Variants in ZCCHC17 observed in about 807,000 individuals in gnomAD.
ZCCHC17 encodes the protein zinc finger CCHC domain-containing protein 17.
In ZCCHC17, 18 loss-of-function variants were observed where a neutral mutation model predicts 30.6. The observed-to-expected ratio is 0.59, with a 90% CI of 0.41 to 0.87. The LOEUF is 0.87. ZCCHC17 is among the 40% of genes least tolerant of loss of function. The pLI, the probability that ZCCHC17 is intolerant of heterozygous loss-of-function variation, is 0.00. For synonymous variants in ZCCHC17, 88 were observed against 92.4 expected, an observed-to-expected ratio of 0.95 and a Z score of 0.27; for missense variants, 263 against 284.2, an observed-to-expected ratio of 0.93 and a Z score of 0.54.
At chr1:31,358,138 G>C (rs1639720021) in intron 7 of ZCCHC17, among the ~76,000 whole-genome samples, 1 of 152,252 alleles carries the variant, frequency 6.6e-6, no homozygotes. Flanking sequence ...AGTGGAGAGA[G>C]AGCATTTCAG....
At chr1:31,344,862 G>GTTGTCTGTTTGTTTGT (rs1553124659) in intron 5 of ZCCHC17, among the ~76,000 whole-genome samples, 9 of 150,486 alleles carry the variant, frequency 6.0e-5, no homozygotes, top group Non-Finnish European at 7.4e-5. Context: ...GTTTTTTTTT[G>GTTGTCTGTTTGTTTGT]TTGTTTGTTT....
chr1:31,357,743 G>A (rs1557461278), intron 7 of ZCCHC17, among the ~76,000 whole-genome samples: 1 of 151,036 alleles, frequency 6.6e-6, no homozygotes, highest in Non-Finnish European at 1.5e-5. Context: ...AGATAGGATG[G>A]TAAGGCCAGG....
chr1:31,307,057 C>T (rs1369665754), intron 1 of ZCCHC17, among the ~76,000 whole-genome samples: 1 of 151,836 alleles, frequency 6.6e-6, no homozygotes, highest in Non-Finnish European at 1.5e-5. Context: ...GGGATGGTCT[C>T]GAACTCTTGA....
At chr1:31,348,764 A>G in intron 6 of ZCCHC17, 65 bp from the exon 7 acceptor site, 5 of 1,595,626 alleles carry the variant, frequency 3.1e-6, no homozygotes, top group Non-Finnish European at 4.3e-6. Flanking sequence ...ACTTGGGGAA[A>G]GATTCACTTG....
chr1:31,301,587 T>G (rs1002208404), intron 1 of ZCCHC17, among the ~76,000 whole-genome samples: 1 of 152,210 alleles, frequency 6.6e-6, no homozygotes, highest in Non-Finnish European at 1.5e-5. Flanking sequence ...TGAAGGGATC[T>G]TAGGAATAAT....
At chr1:31,324,486 G>T (rs1279241441) in intron 3 of ZCCHC17, among the ~76,000 whole-genome samples, 1 of 152,206 alleles carries the variant, frequency 6.6e-6, no homozygotes, top group African/African-American at 2.4e-5. Flanking sequence ...TGCAGACCCA[G>T]GCATCCCTGC....
At chr1:31,298,098 G>A (rs1646212376) in intron 1 of ZCCHC17, among the ~76,000 whole-genome samples, 2 of 152,210 alleles carry the variant, frequency 1.3e-5, no homozygotes, top group Non-Finnish European at 2.9e-5. Context: ...CCTAGTCGAT[G>A]TATGTGGACC....
At chr1:31,320,591 G>T (rs1384697691) in intron 3 of ZCCHC17, among the ~76,000 whole-genome samples, 1 of 152,168 alleles carries the variant, frequency 6.6e-6, no homozygotes, top group Non-Finnish European at 1.5e-5. Flanking sequence ...TTTTGTGACT[G>T]ACTTCTTTCA....
At chr1:31,301,872 T>C (rs1427458929) in intron 1 of ZCCHC17, among the ~76,000 whole-genome samples, 1 of 152,188 alleles carries the variant, frequency 6.6e-6, no homozygotes, top group African/African-American at 2.4e-5. Flanking sequence ...GAAGCATCTA[T>C]CTTACATGGT....
At position 31,364,532 on chromosome 1, in the gene ZCCHC17, T is replaced by C. The variant is rs1640058434; in HGVS notation, c.*339T>C. 1 of 288,782 alleles carries C rather than the reference T, an allele frequency of 3.5e-6. No individual in the cohort carries two copies. The highest frequency in any genetic ancestry group is 7.1e-5 in the South Asian group (1 of 14,184). 17.9% of individuals were successfully genotyped at this position (288,782 alleles called of 1,614,324 possible). ...TGGATTCCTGTAAAGGAGTCCAGGCTAGAGCCACAGAGACTGTTGTGGAGG... is the reference window on the plus strand; with the variant it reads ...TGGATTCCTGTAAAGGAGTCCAGGCCAGAGCCACAGAGACTGTTGTGGAGG... On this transcript the variant is annotated 3_prime_UTR_variant, in exon 8 of 8. Coordinates refer to ENST00000344147, the MANE Select transcript of ZCCHC17 (RefSeq NM_016505.4).
At position 31,319,127 on chromosome 1, in the gene ZCCHC17, T is replaced by C. The variant is rs1431247235; in HGVS notation, c.85T>C (p.Tyr29His). The change falls in exon 3 of 8, where the codon TAT (tyrosine) becomes CAT (histidine). Residue 29 changes from tyrosine (Y) to histidine (H), a missense_variant. Tyr to His is a moderately conservative substitution (Grantham distance 83). Transcript: ENST00000344147. Reference protein sequence around the residue: ...FQGEVAMVTDYGAFIKIPGCR... With the variant: ...FQGEVAMVTDHGAFIKIPGCR... ...TTTATAGGTTGCTATGGTGACAGACTATGGGGCCTTTATCAAAATCCCAGG... is the reference window on the plus strand; with the variant it reads ...TTTATAGGTTGCTATGGTGACAGACCATGGGGCCTTTATCAAAATCCCAGG... 2 of 1,611,316 alleles carry C rather than the reference T, an allele frequency of 1.2e-6. No homozygotes were observed. The highest frequency in any genetic ancestry group is 1.1e-5 in the South Asian group (1 of 90,832).
chr1:31,355,451 T>C (rs1161720621), intron 7 of ZCCHC17, among the ~76,000 whole-genome samples: 1 of 152,190 alleles, frequency 6.6e-6, no homozygotes, highest in Non-Finnish European at 1.5e-5. Context: ...TTCTATGAGA[T>C]AGCCAGAACA....
chr1:31,312,334 G>T (rs1569770834), intron 2 of ZCCHC17, among the ~76,000 whole-genome samples: 2 of 152,304 alleles, frequency 1.3e-5, no homozygotes, highest in South Asian at 2.1e-4. Flanking sequence ...TGAGGGCTGA[G>T]TTGTGTCTGT....
At chr1:31,340,317 T>TTTTG (rs1435965791) in intron 5 of ZCCHC17, among the ~76,000 whole-genome samples, 25 of 136,476 alleles carry the variant, frequency 1.8e-4, no homozygotes, top group Non-Finnish European at 3.6e-4. Flanking sequence ...CTTGGAGGGT[T>TTTTG]TTTTTTTTTT....
intron 6 of ZCCHC17, 133 bp downstream of exon 6, chr1:31,346,873 C>T (rs578125726): frequency 6.6e-7 from 1 of 1,511,674 alleles, no homozygotes; most frequent in Non-Finnish European, 8.9e-7. Flanking sequence ...CTGTTTTTTC[C>T]ACCAGACTCA....
chr1:31,350,768 T>A (rs1321392712), intron 7 of ZCCHC17, among the ~76,000 whole-genome samples: 1 of 152,028 alleles, frequency 6.6e-6, no homozygotes, highest in Non-Finnish European at 1.5e-5. Flanking sequence ...CCCGGCTAAT[T>A]TTTGTATTTT....
intron 4 of ZCCHC17, among the ~76,000 whole-genome samples, chr1:31,338,700 C>T (rs1444281451): frequency 6.6e-6 from 1 of 152,192 alleles, no homozygotes; most frequent in Non-Finnish European, 1.5e-5. Context: ...TGGTTACTTC[C>T]ACAAGCCATG....
Position 31,364,922 on chromosome 1 carries a change from G to T in ZCCHC17, c.*729G>T, listed in dbSNP as rs41263947. On this transcript the variant is annotated 3_prime_UTR_variant, in exon 8 of 8. Transcript: ENST00000344147. ...TAAATTCCTGTCACTAAATGGAAAT[G>T]TGTTTGGTTTTAAACTTACTGAGTT... 1 of 152,224 alleles carries T rather than the reference G, an allele frequency of 6.6e-6. No individual in the cohort carries two copies. Among genetic ancestry groups the T allele is most frequent in the Non-Finnish European group, 1.5e-5 (1 of 68,040 alleles). 9.4% of individuals were successfully genotyped at this position (152,224 alleles called of 1,614,324 possible).
At chr1:31,337,137 G>A in intron 3 of ZCCHC17, 38 bp from the exon 4 acceptor site, 1 of 1,570,108 alleles carries the variant, frequency 6.4e-7, no homozygotes, top group Non-Finnish European at 8.8e-7. Context: ...TACCAGATAT[G>A]CCCTCTGCTT....
Sources: gnomAD v4.1 joint callset for allele counts (sites outside exome capture counted in the v4.1 genomes callset) on GRCh38, gnomAD v4.1.1 for gene constraint, MANE v1.5 for transcripts, NCBI Gene and HGNC (gene_info 2026-07-23, HGNC 2026-07-21) for gene names.